IGSF11: variants seen among roughly 807,000 people sequenced by gnomAD.
The protein encoded by IGSF11 is immunoglobulin superfamily member 11, also known as CXADR like 1.
A neutral mutation model predicts 41.0 loss-of-function variants in IGSF11; 22 were observed. The observed-to-expected ratio is 0.54, with a 90% CI of 0.38 to 0.77. IGSF11 has a LOEUF of 0.77. Ranked by LOEUF, IGSF11 falls within the 30% of genes least tolerant of loss-of-function variation. The pLI is 0.00. For missense variants in IGSF11, 444 were observed against 530.8 expected (o/e 0.84, Z 1.61); for synonymous variants, 219 against 201.3 (o/e 1.09, Z -0.74).
At chr3:119,043,981 T>G (rs1292118185) in intron 1 of IGSF11, among the ~76,000 whole-genome samples, 2 of 152,172 alleles carry the variant, frequency 1.3e-5, no homozygotes, top group African/African-American at 4.8e-5. Flanking sequence ...AAAGCAGTTC[T>G]GATAATATGA....
intron 4 of IGSF11, among the ~76,000 whole-genome samples, chr3:118,925,315 T>C (rs557513782): frequency 3.0e-4 from 46 of 152,324 alleles, no homozygotes; most frequent in Middle Eastern, 3.4e-3. Flanking sequence ...TTAAGGTTGT[T>C]TGTGGCCTCT....
chr3:118,985,580 T>C (rs1935173643), intron 1 of IGSF11, among the ~76,000 whole-genome samples: 1 of 152,220 alleles, frequency 6.6e-6, no homozygotes, highest in African/African-American at 2.4e-5. Context: ...TGAAACTGAA[T>C]TGATCATCTT....
At chr3:118,929,361 G>A (rs1942638023) in intron 2 of IGSF11, among the ~76,000 whole-genome samples, 2 of 152,280 alleles carry the variant, frequency 1.3e-5, no homozygotes, top group South Asian at 4.1e-4. Flanking sequence ...AAATGATCTT[G>A]AAGGCGGAGT....
intron 1 of IGSF11, among the ~76,000 whole-genome samples, chr3:119,004,166 T>C (rs1469112110): frequency 1.3e-5 from 2 of 148,462 alleles, no homozygotes; most frequent in Admixed American, 1.3e-4. Context: ...ATTCAGAGAT[T>C]CAACTTCTTC....
intron 1 of IGSF11, among the ~76,000 whole-genome samples, chr3:119,007,636 C>A (rs1937595588): frequency 6.6e-6 from 1 of 152,114 alleles, no homozygotes; most frequent in Non-Finnish European, 1.5e-5. Context: ...CTTTCCCCTT[C>A]TCTCCAACAC....
chr3:118,920,746 G>A (rs1270348305), intron 4 of IGSF11, among the ~76,000 whole-genome samples: 1 of 152,130 alleles, frequency 6.6e-6, no homozygotes, highest in South Asian at 2.1e-4. Flanking sequence ...CTTACAGTGT[G>A]ATTTTTAAAC....
intron 1 of IGSF11, among the ~76,000 whole-genome samples, chr3:119,090,613 C>T (rs1395946479): frequency 6.6e-6 from 1 of 151,806 alleles, no homozygotes; most frequent in Non-Finnish European, 1.5e-5. Context: ...TTGACAAGGT[C>T]GACAAAAACA....
At chr3:119,074,201 C>A (rs1291922217) in intron 1 of IGSF11, among the ~76,000 whole-genome samples, 1 of 152,146 alleles carries the variant, frequency 6.6e-6, no homozygotes, top group South Asian at 2.1e-4. Context: ...TACCCAACAA[C>A]AACAGAATAT....
chr3:119,022,156 T>C (rs1218831604), intron 1 of IGSF11, among the ~76,000 whole-genome samples: 1 of 152,200 alleles, frequency 6.6e-6, no homozygotes, highest in East Asian at 1.9e-4. Context: ...AAAAACATTA[T>C]GCTAAGTGAA....
chr3:119,024,644 G>A (rs1939642513), intron 1 of IGSF11, among the ~76,000 whole-genome samples: 2 of 152,112 alleles, frequency 1.3e-5, no homozygotes, highest in African/African-American at 4.8e-5. Flanking sequence ...TTCAGTTTAA[G>A]TATCACTATA....
chr3:118,927,575 G>C (rs980754399), intron 3 of IGSF11, among the ~76,000 whole-genome samples: 7 of 152,102 alleles, frequency 4.6e-5, no homozygotes, highest in Non-Finnish European at 1.0e-4. Flanking sequence ...GAGGGAAAAT[G>C]ACAAGAATTC....
chr3:119,021,313 A>G (rs1939264698), intron 1 of IGSF11, among the ~76,000 whole-genome samples: 1 of 152,180 alleles, frequency 6.6e-6, no homozygotes, highest in African/African-American at 2.4e-5. Context: ...GATGATGAAG[A>G]TTATGTTAAT....
intron 1 of IGSF11, among the ~76,000 whole-genome samples, chr3:118,941,796 AC>A (rs1210133634): frequency 2.0e-5 from 3 of 152,220 alleles, no homozygotes; most frequent in Non-Finnish European, 4.4e-5. Flanking sequence ...AACAAAAAAA[AC>A]CTCAAACTTC....
intron 1 of IGSF11, among the ~76,000 whole-genome samples, chr3:119,138,555 C>CA (rs2077595395): frequency 6.6e-6 from 1 of 152,146 alleles, no homozygotes; most frequent in Non-Finnish European, 1.5e-5. Flanking sequence ...CATGGTGGCA[C>CA]ATGCCTGTAA....
intron 1 of IGSF11, among the ~76,000 whole-genome samples, chr3:118,931,591 C>T (rs931240351): frequency 1.3e-5 from 2 of 152,068 alleles, no homozygotes; most frequent in Admixed American, 6.6e-5. Flanking sequence ...CTAGAAAAGG[C>T]AAATCTATAG....
At chr3:119,092,587 C>A (rs2076781785) in intron 1 of IGSF11, among the ~76,000 whole-genome samples, 1 of 152,140 alleles carries the variant, frequency 6.6e-6, no homozygotes, top group Admixed American at 6.5e-5. Flanking sequence ...CTCTCAGCCT[C>A]CCAAAGTGCG....
At chr3:119,031,766 G>C (rs762337365) in intron 1 of IGSF11, among the ~76,000 whole-genome samples, 1 of 152,106 alleles carries the variant, frequency 6.6e-6, no homozygotes, top group African/African-American at 2.4e-5. Context: ...TTTACTAACA[G>C]GTGAATCCTT....
At chr3:119,013,366 A>T (rs951032277) in intron 1 of IGSF11, 1 of 152,072 alleles carries the variant, frequency 6.6e-6, no homozygotes, top group Admixed American at 6.5e-5. Flanking sequence ...CAAAACTCAC[A>T]CTCCAATGAA....
At chr3:119,061,947 A>G (rs1228928795) in intron 1 of IGSF11, among the ~76,000 whole-genome samples, 1 of 152,194 alleles carries the variant, frequency 6.6e-6, no homozygotes, top group East Asian at 1.9e-4. Context: ...TCTAAATGAT[A>G]AAAGGTTTGC....
Sources: gnomAD v4.1 joint callset for allele counts (sites outside exome capture counted in the v4.1 genomes callset) on GRCh38, gnomAD v4.1.1 for gene constraint, MANE v1.5 for transcripts, NCBI Gene and HGNC (gene_info 2026-07-23, HGNC 2026-07-21) for gene names.